The following MFN2 variants were observed in gnomAD, a reference collection of about 807,000 sequenced individuals.
MFN2 encodes the protein mitofusin 2.
MFN2 carries 43 observed loss-of-function variants against 87.5 expected under a neutral mutation model. The observed-to-expected ratio is 0.49, with a 90% CI of 0.38 to 0.63. The LOEUF (loss-of-function observed/expected upper bound fraction) is 0.63. Among genes scored for constraint, MFN2 ranks in the 30% least tolerant of loss-of-function variants. The probability of loss-of-function intolerance (pLI) is 0.00; values close to 1 mark genes in which losing one functional copy is unlikely to be tolerated. For synonymous variants in MFN2, 337 were observed against 359.9 expected (o/e 0.94, Z 0.72); for missense variants, 743 against 972.8 (o/e 0.76, Z 3.14).
At chr1:12,005,070 A>G (rs930547673) in intron 14 of MFN2, 143 bp downstream of exon 14, 1 of 732,124 alleles carries the variant, frequency 1.4e-6, no homozygotes, top group Non-Finnish European at 2.4e-6. Flanking sequence ...TTCTGGGTAC[A>G]TGTTCTGAAC....
In MFN2 at chr1:12,008,277, C is replaced by T. The variant is rs556124058; in HGVS notation, c.2069+1028C>T. On this transcript the variant is annotated intron_variant, in intron 17 of 18. Transcript: ENST00000235329. ...TGAGCTGTTGGGTACACCTCCCAGA[C>T]GGGGTGGTGGCCGGGCAGAGGGGCT... Among the ~76,000 whole-genome samples, 11 of 151,576 alleles carry T rather than the reference C, an allele frequency of 7.3e-5. 1 individual carries two copies. Among genetic ancestry groups the T allele is most frequent in the African/African-American group, 1.9e-4 (8 of 41,204 alleles).
In MFN2 at chr1:12,004,393, G is replaced by A; in HGVS notation, c.1288-116G>A. 9.9e-7 allele frequency: 1 copy of A among 1,007,046 alleles called. No individual in the cohort carries two copies. The highest frequency in any genetic ancestry group is 1.7e-5 in the Admixed American group (1 of 59,114). The allele number at this position is 1,007,046 out of a possible 1,614,324, so 62.4% of individuals were successfully genotyped here. A position where few individuals can be genotyped will look rare whatever the true frequency, so the allele number is the denominator to read the frequency against. On this transcript the variant is annotated intron_variant, in intron 12 of 18. Coordinates refer to ENST00000235329, the MANE Select transcript of MFN2 (RefSeq NM_014874.4). This position sits in a 1 kb window ranked among gnomAD's most constrained non-coding sequence, Gnocchi z 4.2. ...GAGGCTTTAATTCCATAGAGGAGCTGAGGAGGCTGCTGGTTTGAGAGGAAG... is the reference window on the plus strand; with the variant it reads ...GAGGCTTTAATTCCATAGAGGAGCTAAGGAGGCTGCTGGTTTGAGAGGAAG...
At chr1:12,002,218 A>C in intron 11 of MFN2, 115 bp downstream of exon 11, 2 of 1,537,908 alleles carry the variant, frequency 1.3e-6, no homozygotes, top group Non-Finnish European at 1.8e-6. Flanking sequence ...CTGGGCTCCC[A>C]TCCAGAGCCC....
At chr1:12,008,131 G>A (rs1279029779) in intron 17 of MFN2, among the ~76,000 whole-genome samples, 4 of 152,290 alleles carry the variant, frequency 2.6e-5, no homozygotes, top group African/African-American at 9.6e-5. Context: ...ACAAAATGGA[G>A]TCTCCTATGT....
chr1:12,002,522 T>C (rs887394219), intron 11 of MFN2, among the ~76,000 whole-genome samples: 1 of 152,244 alleles, frequency 6.6e-6, no homozygotes. Context: ...ATCCCATCTC[T>C]ACAAGAATTT....
In MFN2 at chr1:12,005,738, C is replaced by T; in HGVS notation, c.1523C>T (p.Ser508Phe). 1 of 1,614,234 alleles carries T rather than the reference C, an allele frequency of 6.2e-7. No homozygotes were observed. The highest frequency in any genetic ancestry group is 8.5e-7 in the Non-Finnish European group (1 of 1,180,040). Residue 508 changes from serine to phenylalanine, a missense_variant, in exon 15 of 19, where the codon TCT becomes TTT. This residue lies in a region of MFN2 where 571 missense variants were observed against 670.7 expected (regional missense o/e 0.85). Coordinates refer to ENST00000235329, the MANE Select transcript of MFN2 (RefSeq NM_014874.4). ...GGCTTGAAACCCCTCCTTCCTGTGT[C>T]TGTGCGGAGTCAGATAGACATGCTG... ...IDGLKPLLPV[S>F]VRSQIDMLVP... is the part of the protein sequence containing the mutation.
chr1:11,989,352 G>T lies in MFN2; in HGVS notation c.175+9G>T. 1 of 1,613,524 alleles carries T rather than the reference G, an allele frequency of 6.2e-7. No homozygotes were observed. Among genetic ancestry groups the T allele is most frequent in the African/African-American group, 1.3e-5 (1 of 74,988 alleles). ...CGCCACCTTCCTTGAAGGTAAGGGG[G>T]CACCGGCTCAGCCAGGCCCGCTCTT... On this transcript the variant is annotated intron_variant, in intron 3 of 18. Coordinates refer to ENST00000235329, the MANE Select transcript of MFN2 (RefSeq NM_014874.4).
chr1:11,988,082 TTTTGTGTGTGTG>T (rs1007671903), intron 2 of MFN2, among the ~76,000 whole-genome samples: 4 of 127,810 alleles, frequency 3.1e-5, no homozygotes, highest in African/African-American at 1.1e-4. Flanking sequence ...GACCAATAGT[TTTTGTGTGTGTG>T]TGTGTGTGTG....
intron 11 of MFN2, among the ~76,000 whole-genome samples, chr1:12,002,862 A>G (rs1252488029): frequency 6.6e-6 from 1 of 152,154 alleles, no homozygotes; most frequent in Non-Finnish European, 1.5e-5. Context: ...CTATCACCCA[A>G]ACAGTACTTT....
intron 18 of MFN2, 87 bp from the exon 19 acceptor site, chr1:12,011,409 A>C: frequency 7.5e-7 from 1 of 1,330,806 alleles, no homozygotes; most frequent in Non-Finnish European, 1.1e-6. Context: ...GGTGTGTGTC[A>C]AGCGTCCTTA....
At chr1:12,009,176 A>G (rs1639577160) in intron 17 of MFN2, among the ~76,000 whole-genome samples, 1 of 152,272 alleles carries the variant, frequency 6.6e-6, no homozygotes, top group Middle Eastern at 3.4e-3. Context: ...GCTCGGCATC[A>G]GAGGGAGACC....
intron 6 of MFN2, among the ~76,000 whole-genome samples, chr1:11,998,092 C>A (rs1004049680): frequency 1.7e-4 from 25 of 150,960 alleles, no homozygotes; most frequent in Admixed American, 1.5e-3. Flanking sequence ...CCATGTTGGC[C>A]AGGCTGGTCT....
rs1334504903 is a variant in MFN2, at chr1:11,986,966, AGATATGTAG to A, written c.-4-2195_-4-2187del. Among the ~76,000 whole-genome samples, 13 of 152,328 alleles carry A rather than the reference AGATATGTAG, an allele frequency of 8.5e-5. No individual in the cohort carries two copies. The East Asian group carries it at 1.7e-3, about 20-fold the overall frequency. On this transcript the variant is annotated intron_variant, in intron 2 of 18. Transcript: ENST00000235329. ...TGTTATATGAAAAGATAAGCTACAA[AGATATGTAG>A]GATTGAGTGAGAGCAAGAGAGACAG...
At chr1:11,995,484 T>A (rs1372009703) in intron 4 of MFN2, among the ~76,000 whole-genome samples, 1 of 151,136 alleles carries the variant, frequency 6.6e-6, no homozygotes, top group African/African-American at 2.4e-5. Context: ...AATACAAAAA[T>A]TAGCCGGGCA....
chr1:11,997,706 C>G (rs1277816948), intron 6 of MFN2, among the ~76,000 whole-genome samples: 2 of 152,044 alleles, frequency 1.3e-5, no homozygotes, highest in South Asian at 2.1e-4. Context: ...CCAGTGCCAG[C>G]ATGTGTACTG....
intron 5 of MFN2, 64 bp downstream of exon 5, chr1:11,996,382 A>C: frequency 6.2e-7 from 1 of 1,602,082 alleles, no homozygotes; most frequent in Non-Finnish European, 8.5e-7. Flanking sequence ...CCGTTGTGAC[A>C]CGGCTGACCT....
chr1:12,002,418 G>A lies in MFN2; in HGVS notation c.1160+315G>A, dbSNP rs1639218042. ...TTTTTCAAAACAACATTCCAGCCAG[G>A]AGCAGTGACTCACACCTGTGATCTC... On this transcript the variant is annotated intron_variant, in intron 11 of 18. Coordinates refer to ENST00000235329, the MANE Select transcript of MFN2 (RefSeq NM_014874.4). Among the ~76,000 whole-genome samples, 3 of 152,374 alleles carry A rather than the reference G, an allele frequency of 2.0e-5. No homozygotes were observed. In the South Asian group the frequency reaches 6.2e-4, roughly 32 times the overall value.
rs1416973655 is a variant in MFN2, at chr1:12,012,849, C to G, written c.*1284C>G. On this transcript the variant is annotated 3_prime_UTR_variant, in exon 19 of 19. Coordinates refer to ENST00000235329, the MANE Select transcript of MFN2 (RefSeq NM_014874.4). ...TTTGGGTGACAAATCCTGTGTGGCA[C>G]AAGTTGGATCGCTTCCTAGAAATAA... 3.3e-5 allele frequency: 5 copies of G among 153,330 alleles called. No homozygotes were observed. Among genetic ancestry groups the G allele is most frequent in the Non-Finnish European group, 7.3e-5 (5 of 68,844 alleles). 9.5% of individuals were successfully genotyped at this position (153,330 alleles called of 1,614,324 possible).
chr1:12,002,161 C>T, intron 11 of MFN2, 58 bp downstream of exon 11: 1 of 1,613,052 alleles, frequency 6.2e-7, no homozygotes, highest in Non-Finnish European at 8.5e-7. Flanking sequence ...GGTGCTCCAC[C>T]CCTGCCTTGG....
Sources: allele counts gnomAD v4.1 joint callset (sites outside exome capture counted in the v4.1 genomes callset), GRCh38; gene constraint gnomAD v4.1.1; regional missense constraint gnomAD v4.1.1; non-coding constraint Gnocchi (gnomAD v3.1); transcripts MANE v1.5; gene names NCBI Gene and HGNC (gene_info 2026-07-23, HGNC 2026-07-21).